Variants in SMG7 observed in about 807,000 individuals in gnomAD.
The protein encoded by SMG7 is SMG7 nonsense mediated mRNA decay factor, also known as nonsense-mediated mRNA decay factor SMG7.
In SMG7, 34 loss-of-function variants were observed where a neutral mutation model predicts 148.2. That is an observed-to-expected ratio of 0.23 (90% CI 0.17 to 0.31). SMG7 has a LOEUF of 0.31. Ranked by LOEUF, SMG7 falls within the 10% of genes least tolerant of loss-of-function variation. SMG7 has a pLI of 1.00. For missense variants in SMG7, 1,114 were observed against 1,408.4 expected (o/e 0.79, Z 3.35); for synonymous variants, 492 against 515.1 (o/e 0.96, Z 0.61).
chr1:183,524,498 T>C (rs572622698), intron 4 of SMG7, among the ~76,000 whole-genome samples: 3 of 152,158 alleles, frequency 2.0e-5, no homozygotes, highest in Non-Finnish European at 4.4e-5. Context: ...ATAATTTCCA[T>C]GCCCAGTGAG....
chr1:183,517,193 A>G (rs1363713446), intron 3 of SMG7, among the ~76,000 whole-genome samples: 1 of 152,242 alleles, frequency 6.6e-6, no homozygotes, highest in African/African-American at 2.4e-5. Flanking sequence ...AGAGAAATAA[A>G]CAAAACTATT....
intron 1 of SMG7, among the ~76,000 whole-genome samples, chr1:183,487,776 G>A (rs928299814): frequency 1.3e-5 from 2 of 152,224 alleles, no homozygotes; most frequent in Non-Finnish European, 2.9e-5. Flanking sequence ...CCTGAATTAT[G>A]TGTCTGTACA....
In SMG7 at chr1:183,527,157, A is replaced by G. The variant is rs749935021; in HGVS notation, c.484+390A>G. On this transcript the variant is annotated intron_variant, in intron 5 of 22. Transcript: ENST00000688051. The surrounding 1 kb of genome is among the most constrained non-coding windows in gnomAD (Gnocchi z 4.0). ...AAATTGCCTTCTTTCTTTCTTACCA[A>G]TGGACTAAAAGTTGATTTTTAATTT... 6.6e-6 allele frequency among the ~76,000 whole-genome samples: 1 copy of G among 152,170 alleles called. No individual in the cohort carries two copies. The highest frequency in any genetic ancestry group is 1.5e-5 in the Non-Finnish European group (1 of 68,026).
chr1:183,474,646 G>T (rs1413239335), intron 1 of SMG7, among the ~76,000 whole-genome samples: 1 of 152,224 alleles, frequency 6.6e-6, no homozygotes, highest in South Asian at 2.1e-4. Flanking sequence ...TGAGCAATGG[G>T]AGGAAATCAG....
At position 183,551,096 on chromosome 1, in the gene SMG7, G is replaced by A; in HGVS notation, c.3356G>A (p.Ser1119Asn). 4 of 1,613,574 alleles carry A rather than the reference G, an allele frequency of 2.5e-6. No homozygotes were observed. Among genetic ancestry groups the A allele is most frequent in the Non-Finnish European group, 3.4e-6 (4 of 1,179,860 alleles). The stretch of plus-strand genomic sequence containing the variant: ...CTCTCAGCAACGTCATCCTCTGAGA[G>A]CAGTTGGCATCAGGCCAGCACTCCG... The part of the protein sequence containing the change: ...DYLSATSSSE[S>N]SWHQASTPSG... The change falls in exon 22 of 23, where the codon AGC (serine) becomes AAC (asparagine). Residue 1119 changes from serine to asparagine, a missense_variant. Coordinates refer to ENST00000688051, the MANE Select transcript of SMG7 (RefSeq NM_001375584.1).
At chr1:183,537,087 T>C in intron 10 of SMG7, 58 bp from the exon 11 acceptor site, 1 of 1,186,926 alleles carries the variant, frequency 8.4e-7, no homozygotes, top group Admixed American at 1.7e-5. Flanking sequence ...CATGGCTTAT[T>C]AGTGTTCTGG....
intron 1 of SMG7, among the ~76,000 whole-genome samples, chr1:183,510,111 A>G (rs1661798355): frequency 6.6e-6 from 1 of 152,196 alleles, no homozygotes; most frequent in South Asian, 2.1e-4. Flanking sequence ...TGCAGTATAT[A>G]TCCTGAACAT....
chr1:183,519,246 A>G (rs186300760), intron 4 of SMG7, among the ~76,000 whole-genome samples: 1 of 152,266 alleles, frequency 6.6e-6, no homozygotes, highest in East Asian at 1.9e-4. Context: ...TTCTGAGATT[A>G]TTTATGTTTT....
intron 10 of SMG7, 36 bp downstream of exon 10, chr1:183,533,868 C>A: frequency 6.4e-7 from 1 of 1,564,282 alleles, no homozygotes; most frequent in Non-Finnish European, 8.8e-7. Context: ...AACTTGTGTG[C>A]TTTGTTTGTT....
chr1:183,524,885 C>A (rs940699765), intron 4 of SMG7, among the ~76,000 whole-genome samples: 1 of 150,954 alleles, frequency 6.6e-6, no homozygotes, highest in East Asian at 1.9e-4. Context: ...CTGTCCTTCT[C>A]TCCTTTCCCT....
At position 183,481,316 on chromosome 1, in the gene SMG7, C is replaced by T. The variant is rs1207398594; in HGVS notation, c.29+8667C>T. 3.3e-5 allele frequency among the ~76,000 whole-genome samples: 5 copies of T among 152,174 alleles called. No individual in the cohort carries two copies. In the East Asian group the frequency reaches 9.6e-4, roughly 29 times the overall value. ...GAAGTGCCACACTGTACTAGCTTAG[C>T]TTAAACTTCACCTTCTTTTGTGAAG... On this transcript the variant is annotated intron_variant, in intron 1 of 22. Coordinates refer to ENST00000688051, the MANE Select transcript of SMG7 (RefSeq NM_001375584.1).
chr1:183,473,949 A>G (rs927578919), intron 1 of SMG7: 10 of 852,456 alleles, frequency 1.2e-5, no homozygotes, highest in Non-Finnish European at 9.9e-6. Flanking sequence ...TTAAAGTAGT[A>G]AAGTTTTATT....
intron 1 of SMG7, among the ~76,000 whole-genome samples, chr1:183,494,510 C>A (rs965849683): frequency 6.6e-5 from 10 of 150,592 alleles, no homozygotes; most frequent in African/African-American, 2.4e-4. Flanking sequence ...CATCTGGTAT[C>A]ATTTTCTTCC....
At chr1:183,533,413 T>A in intron 9 of SMG7, 87 bp downstream of exon 9, 1 of 1,348,398 alleles carries the variant, frequency 7.4e-7, no homozygotes. Flanking sequence ...CACAGTGACA[T>A]AAAAAAGCAT....
At chr1:183,537,070 C>A (rs963362283) in intron 10 of SMG7, 75 bp from the exon 11 acceptor site, 70 of 1,015,120 alleles carry the variant, frequency 6.9e-5, no homozygotes, top group Middle Eastern at 4.1e-4. Flanking sequence ...CCTATAGATA[C>A]CATTTTCATG....
intron 1 of SMG7, among the ~76,000 whole-genome samples, chr1:183,482,104 T>C (rs1571748652): frequency 6.6e-6 from 1 of 152,168 alleles, no homozygotes; most frequent in East Asian, 1.9e-4. Flanking sequence ...ATCCTGATAC[T>C]AGGAATGACT....
chr1:183,504,575 G>A (rs1395336825), intron 1 of SMG7, among the ~76,000 whole-genome samples: 1 of 152,048 alleles, frequency 6.6e-6, no homozygotes, highest in East Asian at 1.9e-4. Flanking sequence ...CTGACCTCCC[G>A]TGATCTGCCT....
At position 183,551,304 on chromosome 1, in the gene SMG7, A is replaced by G. The variant is rs146651590; in HGVS notation, c.3450+114A>G. ...CCCTCGGAGTTGACTGATACATAGCACATATATAACAAAGTCCTAGAAACA... is the reference window on the plus strand; with the variant it reads ...CCCTCGGAGTTGACTGATACATAGCGCATATATAACAAAGTCCTAGAAACA... On this transcript the variant is annotated intron_variant, in intron 22 of 22. Coordinates refer to ENST00000688051, the MANE Select transcript of SMG7 (RefSeq NM_001375584.1). The G allele has an allele frequency of 1.1e-4, 106 of 944,912 alleles. No homozygotes were observed. The East Asian group carries it at 2.6e-3, about 23-fold the overall frequency. The allele number at this position is 944,912 out of a possible 1,614,324, so 58.5% of individuals were successfully genotyped here. A position where few individuals can be genotyped will look rare whatever the true frequency, so the allele number is the denominator to read the frequency against.
At chr1:183,518,445 CTA>C (rs369015180) in intron 4 of SMG7, among the ~76,000 whole-genome samples, 1,697 of 152,206 alleles carry the variant, frequency 0.011, 33 homozygotes, top group African/African-American at 0.039. Context: ...ATGGATATAG[CTA>C]TAGTCATTAA....
Sources: gnomAD v4.1 joint callset for allele counts (sites outside exome capture counted in the v4.1 genomes callset) on GRCh38, gnomAD v4.1.1 for gene constraint, Gnocchi (gnomAD v3.1) non-coding constraint, MANE v1.5 for transcripts, NCBI Gene and HGNC (gene_info 2026-07-23, HGNC 2026-07-21) for gene names.